DLG2: variants seen among roughly 807,000 people sequenced by gnomAD.
DLG2 encodes discs large MAGUK scaffold protein 2.
Under a neutral mutation model 132.5 loss-of-function variants are expected in DLG2, and 45 were observed. The observed-to-expected ratio is 0.34, with a 90% CI of 0.27 to 0.44. The LOEUF is 0.44. Ranked by LOEUF, DLG2 falls within the 20% of genes least tolerant of loss-of-function variation. DLG2 has a pLI of 1.00. For missense variants in DLG2, 1,045 were observed against 1,196.9 expected, an observed-to-expected ratio of 0.87 and a Z score of 1.87; for synonymous variants, 424 against 419.6, an observed-to-expected ratio of 1.01 and a Z score of -0.13.
chr11:85,386,022 T>C (rs962388668), intron 3 of DLG2, among the ~76,000 whole-genome samples: 1 of 152,254 alleles, frequency 6.6e-6, no homozygotes, highest in South Asian at 2.1e-4. Flanking sequence ...AAAATCCTTT[T>C]ACATGTGTTT....
At chr11:83,834,567 GTA>G (rs992747951) in intron 16 of DLG2, among the ~76,000 whole-genome samples, 4 of 152,148 alleles carry the variant, frequency 2.6e-5, no homozygotes, top group African/African-American at 9.7e-5. Flanking sequence ...ATGAGAATGA[GTA>G]TGATTTTGAC....
At chr11:85,249,701 T>C (rs1177072202) in intron 4 of DLG2, among the ~76,000 whole-genome samples, 1 of 152,030 alleles carries the variant, frequency 6.6e-6, no homozygotes. Flanking sequence ...AAAGACACCA[T>C]GTTTATATCA....
chr11:84,057,434 C>G (rs960419415), intron 11 of DLG2, among the ~76,000 whole-genome samples: 10 of 151,928 alleles, frequency 6.6e-5, no homozygotes, highest in African/African-American at 2.4e-4. Flanking sequence ...TGGGTATGGC[C>G]ATTTTGTTTG....
chr11:84,135,679 G>A (rs1377663689), intron 9 of DLG2, among the ~76,000 whole-genome samples: 2 of 152,120 alleles, frequency 1.3e-5, no homozygotes, highest in East Asian at 3.9e-4. Context: ...CGTGTGGTTG[G>A]AGTACACATG....
At chr11:83,759,538 T>C (rs1001525319) in intron 18 of DLG2, among the ~76,000 whole-genome samples, 2 of 152,152 alleles carry the variant, frequency 1.3e-5, no homozygotes, top group South Asian at 2.1e-4. Flanking sequence ...TTTTTTTTCA[T>C]TGTAGGACTT....
intron 19 of DLG2, among the ~76,000 whole-genome samples, chr11:83,629,378 A>T (rs2063184081): frequency 6.6e-6 from 1 of 152,112 alleles, no homozygotes; most frequent in South Asian, 2.1e-4. Flanking sequence ...CTGAAAATCG[A>T]TACGTTTTAT....
intron 18 of DLG2, among the ~76,000 whole-genome samples, chr11:83,768,786 G>A (rs573118012): frequency 6.6e-6 from 1 of 152,294 alleles, no homozygotes; most frequent in Non-Finnish European, 1.5e-5. Flanking sequence ...AAGGAGCATG[G>A]CCTTTTTCTC....
intron 6 of DLG2, among the ~76,000 whole-genome samples, chr11:85,095,721 G>C (rs1431917445): frequency 1.3e-5 from 2 of 152,104 alleles, no homozygotes; most frequent in Non-Finnish European, 2.9e-5. Flanking sequence ...ACCTTTTCCA[G>C]AGTTCCCAAA....
chr11:85,361,699 A>C (rs919158488), intron 3 of DLG2, among the ~76,000 whole-genome samples: 1 of 152,202 alleles, frequency 6.6e-6, no homozygotes, highest in African/African-American at 2.4e-5. Flanking sequence ...TGTTTTGGTC[A>C]CTATAGCCTT....
At position 83,930,401 on chromosome 11, in the gene DLG2, C is replaced by G; in HGVS notation, c.1423G>C (p.Asp475His). The G allele has an allele frequency of 6.2e-7, 1 of 1,614,040 alleles. No homozygotes were observed. The highest frequency in any genetic ancestry group is 8.5e-7 in the Non-Finnish European group (1 of 1,179,964). The change falls in exon 15 of 28, where the codon GAC becomes CAC. Residue 475 changes from aspartate (D) to histidine (H), a missense_variant. This residue lies in a region of DLG2 where 261 missense variants were observed against 256.1 expected (regional missense o/e 1.02). Transcript: ENST00000376104. Reference sequence around the variant, plus strand: ...GGAGCTGAGAGGAGGAAGCTTTTGTCACACTCAACAGGGGAATAGTGCCTG... The same window carrying G: ...GGAGCTGAGAGGAGGAAGCTTTTGTGACACTCAACAGGGGAATAGTGCCTG... Reference protein sequence around the residue: ...SPRHYSPVECDKSFLLSAPYS... With the variant: ...SPRHYSPVECHKSFLLSAPYS...
At chr11:85,470,103 G>A (rs573058011) in intron 3 of DLG2, among the ~76,000 whole-genome samples, 2 of 150,028 alleles carry the variant, frequency 1.3e-5, no homozygotes, top group African/African-American at 4.9e-5. Flanking sequence ...TGCATTTGCT[G>A]TTCCTTCTGC....
chr11:85,033,594 C>G (rs938535604), intron 6 of DLG2, among the ~76,000 whole-genome samples: 2 of 152,154 alleles, frequency 1.3e-5, no homozygotes, highest in Non-Finnish European at 2.9e-5. Flanking sequence ...GAAAGTCACC[C>G]TTTGAGGGAT....
At chr11:83,917,171 A>G (rs75592557) in intron 15 of DLG2, among the ~76,000 whole-genome samples, 3,408 of 152,244 alleles carry the variant, frequency 0.022, 129 homozygotes, top group African/African-American at 0.078. Flanking sequence ...AACCACTGAC[A>G]TTTGCTTAGC....
At chr11:84,642,062 A>T in intron 6 of DLG2, among the ~76,000 whole-genome samples, 1 of 124,650 alleles carries the variant, frequency 8.0e-6, no homozygotes, top group African/African-American at 4.0e-5. Flanking sequence ...ATATATACGC[A>T]CGCGTGTGTG....
At chr11:84,544,960 T>C (rs2099386692) in intron 6 of DLG2, among the ~76,000 whole-genome samples, 1 of 152,188 alleles carries the variant, frequency 6.6e-6, no homozygotes, top group African/African-American at 2.4e-5. Context: ...TAGTCACAAA[T>C]ACAGTCCTTG....
chr11:83,850,191 TCTCCCAGG>T (rs2059479444), intron 16 of DLG2, among the ~76,000 whole-genome samples: 1 of 145,296 alleles, frequency 6.9e-6, no homozygotes, highest in Non-Finnish European at 1.5e-5. Context: ...TCTCACTCTG[TCTCCCAGG>T]CTGGAGTGCA....
chr11:84,008,935 T>A (rs1566019281), intron 11 of DLG2, among the ~76,000 whole-genome samples: 1 of 134,332 alleles, frequency 7.4e-6, no homozygotes, highest in Non-Finnish European at 1.5e-5. Context: ...TTTTTTTTTT[T>A]GTTGTTGTTG....
chr11:84,517,818 A>T (rs1047804141), intron 7 of DLG2, among the ~76,000 whole-genome samples: 1 of 152,040 alleles, frequency 6.6e-6, no homozygotes, highest in African/African-American at 2.4e-5. Context: ...CTATTTAGCC[A>T]CAAAGAAAAA....
chr11:84,313,687 A>AAGAAAG (rs760229361), intron 7 of DLG2, among the ~76,000 whole-genome samples: 1 of 141,282 alleles, frequency 7.1e-6, no homozygotes, highest in Non-Finnish European at 1.6e-5. Flanking sequence ...GAAAGAAAGA[A>AAGAAAG]AAAGAAAGAG....
Sources: gnomAD v4.1 joint callset for allele counts (sites outside exome capture counted in the v4.1 genomes callset) on GRCh38, gnomAD v4.1.1 for gene constraint, gnomAD v4.1.1 regional missense constraint, MANE v1.5 for transcripts, NCBI Gene and HGNC (gene_info 2026-07-23, HGNC 2026-07-21) for gene names.